The following CCDC148 variants were observed in gnomAD, a reference collection of about 807,000 sequenced individuals.
CCDC148 encodes coiled-coil domain-containing protein 148.
In CCDC148, 89 loss-of-function variants were observed where a neutral mutation model predicts 85.7. The ratio of observed to expected loss-of-function variants is 1.04; its 90% CI spans 0.87 to 1.24. The LOEUF is 1.24. Among genes scored for constraint, CCDC148 ranks in the 50% most tolerant of loss-of-function variants. The probability of loss-of-function intolerance (pLI) is 0.00; values close to 1 mark genes in which losing one functional copy is unlikely to be tolerated. For synonymous variants in CCDC148, 230 were observed against 213.9 expected, an observed-to-expected ratio of 1.08 and a Z score of -0.66; for missense variants, 692 against 671.7, an observed-to-expected ratio of 1.03 and a Z score of -0.33.
At chr2:158,433,546 A>C (rs558287108) in intron 1 of CCDC148, among the ~76,000 whole-genome samples, 2 of 152,120 alleles carry the variant, frequency 1.3e-5, no homozygotes, top group Non-Finnish European at 2.9e-5. Flanking sequence ...TCCAGTCTAC[A>C]GCTCCCAGCA....
intron 11 of CCDC148, among the ~76,000 whole-genome samples, chr2:158,212,775 G>A (rs956299907): frequency 5.3e-5 from 8 of 152,138 alleles, no homozygotes; most frequent in African/African-American, 1.2e-4. Context: ...AAAATAACAC[G>A]CAAAATTTTT....
intron 10 of CCDC148, among the ~76,000 whole-genome samples, chr2:158,242,633 GTTT>G (rs370301211): frequency 4.3e-5 from 6 of 139,068 alleles, no homozygotes; most frequent in Admixed American, 2.2e-4. Flanking sequence ...CCACTCTGTA[GTTT>G]TTTTTTTTTT....
chr2:158,238,144 G>A (rs1385020092), intron 10 of CCDC148, among the ~76,000 whole-genome samples: 2 of 152,084 alleles, frequency 1.3e-5, no homozygotes, highest in Non-Finnish European at 2.9e-5. Flanking sequence ...GAGGGCATGT[G>A]GGATCAAGGG....
At chr2:158,206,761 T>G (rs374752482) in intron 11 of CCDC148, among the ~76,000 whole-genome samples, 4 of 152,304 alleles carry the variant, frequency 2.6e-5, no homozygotes, top group Admixed American at 1.3e-4. Flanking sequence ...GAAAAATTGT[T>G]GGAATTAGTC....
chr2:158,279,320 C>G (rs1443009691), intron 9 of CCDC148, among the ~76,000 whole-genome samples: 2 of 152,086 alleles, frequency 1.3e-5, no homozygotes, highest in African/African-American at 2.4e-5. Flanking sequence ...TTCAGACGAT[C>G]AAACTACGAG....
chr2:158,359,655 A>C (rs770273603), intron 1 of CCDC148, among the ~76,000 whole-genome samples: 3 of 152,178 alleles, frequency 2.0e-5, no homozygotes, highest in Non-Finnish European at 4.4e-5. Flanking sequence ...CCCAGCCCAA[A>C]TACTACACTT....
intron 8 of CCDC148, among the ~76,000 whole-genome samples, chr2:158,312,859 T>A (rs1442434627): frequency 2.0e-5 from 3 of 152,154 alleles, no homozygotes; most frequent in Non-Finnish European, 4.4e-5. Context: ...ACAGTAGCTG[T>A]GTGACCTTTG....
chr2:158,308,872 CG>C (rs1019934776), intron 9 of CCDC148, among the ~76,000 whole-genome samples: 4 of 152,144 alleles, frequency 2.6e-5, no homozygotes, highest in African/African-American at 9.7e-5. Flanking sequence ...CTTCTAACAG[CG>C]AGGGTTACCT....
At chr2:158,191,594 A>G (rs946192390) in intron 11 of CCDC148, among the ~76,000 whole-genome samples, 11 of 151,986 alleles carry the variant, frequency 7.2e-5, no homozygotes, top group African/African-American at 2.4e-4. Flanking sequence ...ATGCTTTAAA[A>G]AAACAAATGA....
At chr2:158,293,289 G>T (rs985817835) in intron 9 of CCDC148, among the ~76,000 whole-genome samples, 1 of 152,256 alleles carries the variant, frequency 6.6e-6, no homozygotes. Flanking sequence ...AGAGAAAGTT[G>T]CACTGGTAAT....
At chr2:158,237,550 G>A (rs72993396) in intron 10 of CCDC148, among the ~76,000 whole-genome samples, 12,124 of 152,082 alleles carry the variant, frequency 0.08, 1,548 homozygotes, top group African/African-American at 0.27. Flanking sequence ...CAAGCCTTTC[G>A]GCCTGAGTGC....
At chr2:158,402,087 ATAAC>A (rs1373674887) in intron 1 of CCDC148, among the ~76,000 whole-genome samples, 1 of 152,108 alleles carries the variant, frequency 6.6e-6, no homozygotes, top group Non-Finnish European at 1.5e-5. Context: ...CATCAACACT[ATAAC>A]TAACATCTGT....
At chr2:158,325,467 T>C (rs1692724643) in intron 7 of CCDC148, among the ~76,000 whole-genome samples, 1 of 152,224 alleles carries the variant, frequency 6.6e-6, no homozygotes, top group South Asian at 2.1e-4. Context: ...CATTGTAATG[T>C]TGGCAGGCCT....
intron 9 of CCDC148, among the ~76,000 whole-genome samples, chr2:158,296,491 C>G (rs1340075178): frequency 1.3e-5 from 2 of 151,992 alleles, no homozygotes; most frequent in Non-Finnish European, 2.9e-5. Context: ...ATTGGCTTTC[C>G]AACTCCAAGT....
chr2:158,178,730 C>G (rs1420867735), intron 12 of CCDC148, 149 bp downstream of exon 12: 2 of 597,932 alleles, frequency 3.3e-6, no homozygotes, highest in Middle Eastern at 3.9e-4. Flanking sequence ...TAATTGCTCC[C>G]AGGAATGAAC....
chr2:158,209,028 T>C (rs34763533), intron 11 of CCDC148, among the ~76,000 whole-genome samples: 5 of 151,904 alleles, frequency 3.3e-5, no homozygotes, highest in African/African-American at 1.2e-4. Flanking sequence ...CTGATGGCTG[T>C]ATTTATGTAT....
rs191032149 is a variant in CCDC148, at chr2:158,333,864, C to T, written c.764+4862G>A. Among the ~76,000 whole-genome samples, 153 of 152,210 alleles carry T rather than the reference C, an allele frequency of 1.0e-3. 1 individual carries two copies. Among genetic ancestry groups the T allele is most frequent in the Non-Finnish European group, 5.0e-4 (34 of 67,988 alleles). The stretch of plus-strand genomic sequence containing the variant: ...AGTCTTGAAGTTGGGTAGTATCAGT[C>T]CTCCAACTTTGCTCTTCTCTTTCAA... On this transcript the variant is annotated intron_variant, in intron 7 of 13. Transcript: ENST00000283233.
intron 9 of CCDC148, among the ~76,000 whole-genome samples, chr2:158,279,461 G>A (rs1349387568): frequency 6.6e-6 from 1 of 152,216 alleles, no homozygotes; most frequent in African/African-American, 2.4e-5. Context: ...GCCAAGGCAT[G>A]AGAACTACGT....
intron 1 of CCDC148, among the ~76,000 whole-genome samples, chr2:158,395,776 T>A (rs1027193359): frequency 2.0e-5 from 3 of 152,132 alleles, no homozygotes; most frequent in Non-Finnish European, 4.4e-5. Context: ...GAGCTATACA[T>A]TTTTGGCAAG....
Sources: allele counts gnomAD v4.1 joint callset (sites outside exome capture counted in the v4.1 genomes callset), GRCh38; gene constraint gnomAD v4.1.1; transcripts MANE v1.5; gene names NCBI Gene and HGNC (gene_info 2026-07-23, HGNC 2026-07-21).